NF2: variants seen among roughly 807,000 people sequenced by gnomAD.
The protein encoded by NF2 is merlin.
In NF2, 8 loss-of-function variants were observed where a neutral mutation model predicts 83.7. That is an observed-to-expected ratio of 0.10 (90% CI 0.06 to 0.17). NF2 has a LOEUF of 0.17. NF2 is among the 10% of genes least tolerant of loss of function. The pLI, the probability that NF2 is intolerant of heterozygous loss-of-function variation, is 1.00. For missense variants in NF2, 533 were observed against 744.4 expected (o/e 0.72, Z 3.31); for synonymous variants, 266 against 269.6 (o/e 0.99, Z 0.13).
chr22:29,617,574 C>T (rs527552124), intron 1 of NF2, among the ~76,000 whole-genome samples: 6 of 152,280 alleles, frequency 3.9e-5, no homozygotes, highest in African/African-American at 1.4e-4. Context: ...TTTCTCCCTA[C>T]CCAACCTCCA....
At chr22:29,651,646 T>G (rs904981730) in intron 4 of NF2, among the ~76,000 whole-genome samples, 1 of 152,224 alleles carries the variant, frequency 6.6e-6, no homozygotes, top group African/African-American at 2.4e-5. Flanking sequence ...AGCAGACACA[T>G]ACATCAAGGT....
chr22:29,644,482 G>A (rs1373588529), intron 4 of NF2, among the ~76,000 whole-genome samples: 4 of 151,464 alleles, frequency 2.6e-5, no homozygotes, highest in African/African-American at 4.8e-5. Context: ...GACGATGGGC[G>A]GCCAGGCAGA....
intron 8 of NF2, among the ~76,000 whole-genome samples, chr22:29,662,255 C>A (rs1387868789): frequency 6.6e-6 from 1 of 152,190 alleles, no homozygotes; most frequent in East Asian, 1.9e-4. Flanking sequence ...TCACCTCAGC[C>A]TCCCAGGTAA....
At chr22:29,675,066 G>C in intron 13 of NF2, 125 bp downstream of exon 13, 2 of 772,128 alleles carry the variant, frequency 2.6e-6, no homozygotes, top group Non-Finnish European at 4.4e-6. Context: ...GGCTGGATGA[G>C]AGGTGCAGAG....
chr22:29,644,459 T>C (rs2065920731), intron 4 of NF2, among the ~76,000 whole-genome samples: 2 of 147,470 alleles, frequency 1.4e-5, no homozygotes, highest in African/African-American at 5.1e-5. Context: ...GCAGAGGGGC[T>C]CCTCACATCC....
chr22:29,629,982 C>G (rs762824508), intron 1 of NF2, among the ~76,000 whole-genome samples: 10 of 152,162 alleles, frequency 6.6e-5, no homozygotes, highest in Non-Finnish European at 1.2e-4. Context: ...AAACTGTGGC[C>G]TTTTCCTGTC....
intron 9 of NF2, 138 bp downstream of exon 9, chr22:29,665,202 TTAAAGAGTTAA>T: frequency 1.3e-6 from 1 of 743,158 alleles, no homozygotes; most frequent in Non-Finnish European, 2.3e-6. Flanking sequence ...TCTGTTTAGC[TTAAAGAGTTAA>T]AACTAAATTA....
rs568058876 is a variant in NF2 at position 29,689,600 on chromosome 22, G to T, written c.1738-5152G>T. 4.8e-4 allele frequency among the ~76,000 whole-genome samples: 73 copies of T among 152,218 alleles called. 1 individual carries two copies. The highest frequency in any genetic ancestry group is 9.6e-4 in the Non-Finnish European group (65 of 68,010). On this transcript the variant is annotated intron_variant, in intron 15 of 15. Transcript: ENST00000338641. ...TACTGTGAGTCTTATTGTTTAAAAT[G>T]AATGAGATGGTCCCCTCCTACCTTC...
At chr22:29,605,807 G>GC (rs756975970) in intron 1 of NF2, among the ~76,000 whole-genome samples, 16 of 152,106 alleles carry the variant, frequency 1.1e-4, no homozygotes, top group Non-Finnish European at 2.2e-4. Context: ...CCAGACTATT[G>GC]CAAACTGTAA....
intron 8 of NF2, 38 bp downstream of exon 8, chr22:29,661,377 C>T: frequency 6.2e-7 from 1 of 1,611,118 alleles, no homozygotes; most frequent in Non-Finnish European, 8.5e-7. Flanking sequence ...TCCAGCAGAT[C>T]TTTCCCTGTC....
chr22:29,678,047 G>A (rs2067016926), intron 13 of NF2, 149 bp from the exon 14 acceptor site: 1 of 923,364 alleles, frequency 1.1e-6, no homozygotes, highest in Non-Finnish European at 1.8e-6. Context: ...GAGTGAAGTG[G>A]AGGGATGGGG....
intron 4 of NF2, among the ~76,000 whole-genome samples, chr22:29,647,303 GACAGAGTGCC>G (rs985444260): frequency 2.6e-5 from 4 of 152,178 alleles, no homozygotes; most frequent in African/African-American, 9.7e-5. Flanking sequence ...GCAAATCAGG[GACAGAGTGCC>G]AAAGTACAAT....
At chr22:29,621,078 G>A (rs1020045644) in intron 1 of NF2, among the ~76,000 whole-genome samples, 4 of 152,218 alleles carry the variant, frequency 2.6e-5, no homozygotes, top group African/African-American at 9.6e-5. Flanking sequence ...AGAATAGGGA[G>A]AATAGATGGG....
At chr22:29,618,514 G>T (rs2065132951) in intron 1 of NF2, among the ~76,000 whole-genome samples, 1 of 152,176 alleles carries the variant, frequency 6.6e-6, no homozygotes, top group Non-Finnish European at 1.5e-5. Flanking sequence ...CAATTGGCTG[G>T]ATGCTTTGGA....
intron 15 of NF2, among the ~76,000 whole-genome samples, chr22:29,690,514 TG>T (rs2067376742): frequency 6.6e-6 from 1 of 152,084 alleles, no homozygotes. Flanking sequence ...GTCTCGATGT[TG>T]GGCAGGAAGT....
intron 1 of NF2, among the ~76,000 whole-genome samples, chr22:29,605,212 C>A (rs1601518607): frequency 7.0e-6 from 1 of 143,306 alleles, no homozygotes; most frequent in East Asian, 2.1e-4. Flanking sequence ...GTGCACCGGG[C>A]TAGAGTGCAA....
At chr22:29,679,332 T>C (rs1284495187) in intron 14 of NF2, among the ~76,000 whole-genome samples, 3 of 152,122 alleles carry the variant, frequency 2.0e-5, no homozygotes, top group Admixed American at 2.0e-4. Context: ...CTGTTTTTCT[T>C]TGGGCTCTCA....
chr22:29,667,591 C>T (rs566123311), intron 9 of NF2, among the ~76,000 whole-genome samples: 14 of 151,860 alleles, frequency 9.2e-5, no homozygotes, highest in African/African-American at 3.1e-4. Flanking sequence ...CTCACTATGT[C>T]ACCCAGGCTG....
At chr22:29,672,779 CTT>C (rs35006066) in intron 11 of NF2, among the ~76,000 whole-genome samples, 28 of 146,364 alleles carry the variant, frequency 1.9e-4, no homozygotes, top group Non-Finnish European at 2.6e-4. Context: ...ACACATCCAG[CTT>C]TTTTTTTTTT....
Sources: allele counts gnomAD v4.1 joint callset (sites outside exome capture counted in the v4.1 genomes callset), GRCh38; gene constraint gnomAD v4.1.1; transcripts MANE v1.5; gene names NCBI Gene and HGNC (gene_info 2026-07-23, HGNC 2026-07-21).